Variants in NEB observed in about 807,000 individuals in gnomAD.
NEB encodes the protein nemaline myopathy type 2.
In NEB, 512 loss-of-function variants were observed where a neutral mutation model predicts 952.2. That is an observed-to-expected ratio of 0.54 (90% CI 0.50 to 0.58). The LOEUF (loss-of-function observed/expected upper bound fraction) is 0.58. NEB is among the 20% of genes least tolerant of loss of function. NEB has a pLI of 0.00. For synonymous variants in NEB, 2,900 were observed against 3,149.8 expected (o/e 0.92, Z 2.66); for missense variants, 8,428 against 9,231.1 (o/e 0.91, Z 3.56).
chr2:151,506,364 C>T (rs1279745691), intron 163 of NEB, 106 bp from the exon 164 acceptor site: 4 of 834,668 alleles, frequency 4.8e-6, no homozygotes, highest in African/African-American at 1.7e-5. Flanking sequence ...AGACACTAGA[C>T]GATGTTCCCA....
chr2:151,718,590 C>A (rs2099765758), intron 9 of NEB, among the ~76,000 whole-genome samples: 1 of 152,130 alleles, frequency 6.6e-6, no homozygotes, highest in Non-Finnish European at 1.5e-5. Flanking sequence ...CCTGCGTCTC[C>A]CACCCCTTCC....
chr2:151,614,363 G>A lies in NEB; in HGVS notation c.11514C>T (p.Asp3838=). ...TCCATTCATGCAGGGGATGCTTGTA[G>A]TCTATGTCGCTTACAAGGATCTGAC... ...KKCQILVSDI[D]YKHPLHEWTC... is the part of the protein sequence containing the mutation. Residue 3838 remains aspartate (D), a synonymous_variant, in exon 77 of 182, where the codon GAC becomes GAT. Coordinates refer to ENST00000397345, the MANE Select transcript of NEB (RefSeq NM_001164508.2). 6.2e-7 allele frequency: 1 copy of A among 1,613,938 alleles called. No individual in the cohort carries two copies. The highest frequency in any genetic ancestry group is 8.5e-7 in the Non-Finnish European group (1 of 1,179,842).
In NEB at chr2:151,525,821, G is replaced by T. The variant is rs1214814574; in HGVS notation, c.22161+137C>A. On this transcript the variant is annotated intron_variant, in intron 150 of 181. Coordinates refer to ENST00000397345, the MANE Select transcript of NEB (RefSeq NM_001164508.2). ...ATACTGGGTCATTTTAAAAGTCAGA[G>T]TTTAAGATTCACATGTAGATATTGA... 3.9e-6 allele frequency: 3 copies of T among 766,480 alleles called. No homozygotes were observed. The East Asian group carries it at 7.4e-5, about 19-fold the overall frequency. 47.5% of individuals were successfully genotyped at this position (766,480 alleles called of 1,614,324 possible). A position where few individuals can be genotyped will look rare whatever the true frequency, so the allele number is the denominator to read the frequency against.
Position 151,717,468 on chromosome 2 carries a change from G to A in NEB, c.770C>T (p.Ala257Val), listed in dbSNP as rs2099762243. ...AEQQAQFTPL[A>V]DPPDIEFAKK... ...GGCAAATTCTATATCTGGAGGATCA[G>A]CCAGAGGCGTGAATTGAGCTTGCTG... is the stretch of plus-strand genomic sequence containing the variant. The change falls in exon 10 of 182, where the codon GCT (alanine) becomes GTT (valine). Residue 257 changes from alanine (A) to valine (V), a missense_variant. Ala to Val is a moderately conservative substitution (Grantham distance 64). This residue lies in a region of NEB where 2,851 missense variants were observed against 2,791.5 expected (regional missense o/e 1.02). Transcript: ENST00000397345. 5.0e-6 allele frequency: 8 copies of A among 1,613,806 alleles called. No homozygotes were observed. The highest frequency in any genetic ancestry group is 6.8e-6 in the Non-Finnish European group (8 of 1,179,812).
intron 78 of NEB, 146 bp from the exon 79 acceptor site, chr2:151,611,012 G>A: frequency 1.8e-6 from 1 of 544,912 alleles, no homozygotes; most frequent in Non-Finnish European, 3.2e-6. Context: ...GGGAGGTGAG[G>A]GAAGCAAAAG....
chr2:151,724,758 G>C, intron 7 of NEB, 99 bp downstream of exon 7: 2 of 890,872 alleles, frequency 2.2e-6, no homozygotes, highest in South Asian at 3.3e-5. Flanking sequence ...CCATGAGGCT[G>C]GTGGGCAGGA....
chr2:151,486,778 A>G (rs1228901254), intron 181 of NEB: 1 of 152,218 alleles, frequency 6.6e-6, no homozygotes, highest in Non-Finnish European at 1.5e-5. Flanking sequence ...GTATGGTTTT[A>G]TTTATATGAA....
intron 171 of NEB, 108 bp from the exon 172 acceptor site, chr2:151,497,141 C>G: frequency 7.2e-7 from 1 of 1,383,688 alleles, no homozygotes; most frequent in Non-Finnish European, 9.9e-7. Context: ...CACAGTTGTC[C>G]AAGGAGCCAG....
In NEB at chr2:151,503,440, A is replaced by T. The variant is rs1389787480; in HGVS notation, c.23744T>A (p.Val7915Asp). The T allele has an allele frequency of 6.3e-7, 1 of 1,595,804 alleles. No individual in the cohort carries two copies. The highest frequency in any genetic ancestry group is 8.6e-7 in the Non-Finnish European group (1 of 1,163,758). Residue 7915 changes from valine (V) to aspartate (D), a missense_variant and splice_region_variant, in exon 166 of 182, where the codon GTT (valine) becomes GAT (aspartate). By Grantham distance (152) the Val-to-Asp change is radical. Coordinates refer to ENST00000397345, the MANE Select transcript of NEB (RefSeq NM_001164508.2). ...TGTTCCCAAGTTTTCTTTGTACATA[A>T]CCTGTAGAAAATAATTAGAATACCC... is the stretch of plus-strand genomic sequence containing the variant. ...VKETQKHISS[V>D]MYKENLGTGI...
intron 167 of NEB, among the ~76,000 whole-genome samples, chr2:151,502,430 T>TA (rs2065420904): frequency 6.6e-6 from 1 of 151,814 alleles, no homozygotes; most frequent in African/African-American, 2.4e-5. Context: ...AAGAATACAT[T>TA]AAACAGCCAC....
intron 69 of NEB, 66 bp downstream of exon 69, chr2:151,627,449 ATGCTAGAC>A: frequency 1.3e-6 from 2 of 1,563,106 alleles, no homozygotes; most frequent in Non-Finnish European, 1.7e-6. Context: ...GTTCTACCTA[ATGCTAGAC>A]CACTGTCTCA....
At chr2:151,680,925 G>A in intron 29 of NEB, 97 bp from the exon 30 acceptor site, 1 of 999,190 alleles carries the variant, frequency 1.0e-6, no homozygotes, top group Non-Finnish European at 1.6e-6. Context: ...AAAAGGAAGA[G>A]TTTTTCATGA....
chr2:151,506,436 A>T, intron 163 of NEB, 178 bp from the exon 164 acceptor site: 1 of 579,920 alleles, frequency 1.7e-6, no homozygotes, highest in Non-Finnish European at 3.1e-6. Flanking sequence ...CAGACCAGTT[A>T]TACAACATGG....
At chr2:151,641,938 T>C (rs2098862136) in intron 60 of NEB, among the ~76,000 whole-genome samples, 1 of 152,196 alleles carries the variant, frequency 6.6e-6, no homozygotes, top group Admixed American at 6.5e-5. Context: ...ACGTTAGGTA[T>C]ATCTCCTAAT....
At chr2:151,716,533 T>C (rs1176847571) in intron 10 of NEB, among the ~76,000 whole-genome samples, 1 of 152,172 alleles carries the variant, frequency 6.6e-6, no homozygotes, top group Non-Finnish European at 1.5e-5. Flanking sequence ...AGTATTCCTA[T>C]TGGTGAAATT....
intron 13 of NEB, among the ~76,000 whole-genome samples, chr2:151,701,665 A>C (rs1403898062): frequency 1.3e-5 from 2 of 151,296 alleles, no homozygotes; most frequent in Non-Finnish European, 2.9e-5. Flanking sequence ...AGGTGTTTGT[A>C]GTATTCTTTG....
intron 117 of NEB, among the ~76,000 whole-genome samples, chr2:151,564,133 T>TTTTTA (rs959239059): frequency 4.7e-4 from 72 of 152,140 alleles, no homozygotes; most frequent in East Asian, 4.1e-3. Context: ...GGCATTTTAT[T>TTTTTA]TTTTATTTTA....
chr2:151,505,633 C>T lies in NEB; in HGVS notation c.23650-63G>A. The T allele has an allele frequency of 3.0e-6, 4 of 1,341,688 alleles. No homozygotes were observed. In the Admixed American group the frequency reaches 6.7e-5, roughly 23 times the overall value. 83.1% of individuals were successfully genotyped at this position (1,341,688 alleles called of 1,614,324 possible). A position where few individuals can be genotyped will look rare whatever the true frequency, so the allele number is the denominator to read the frequency against. ...CATGCTGGACTGTTATTCTTCCCAA[C>T]ATGTACATGTTTTTTGTAGCCCCCA... On this transcript the variant is annotated intron_variant, in intron 164 of 181. Transcript: ENST00000397345.
intron 181 of NEB, among the ~76,000 whole-genome samples, chr2:151,489,666 G>A (rs959061830): frequency 6.6e-6 from 1 of 152,142 alleles, no homozygotes; most frequent in African/African-American, 2.4e-5. Context: ...CAAAGTGCTG[G>A]CATTATAGGC....
Sources: gnomAD v4.1 joint callset for allele counts (sites outside exome capture counted in the v4.1 genomes callset) on GRCh38, gnomAD v4.1.1 for gene constraint, gnomAD v4.1.1 regional missense constraint, MANE v1.5 for transcripts, NCBI Gene and HGNC (gene_info 2026-07-23, HGNC 2026-07-21) for gene names.